GRIP1: variants seen among roughly 807,000 people sequenced by gnomAD.
The protein encoded by GRIP1 is glutamate receptor-interacting protein 1.
Under a neutral mutation model 129.9 loss-of-function variants are expected in GRIP1, and 45 were observed. The observed-to-expected ratio is 0.35, with a 90% confidence interval of 0.27 to 0.44. The LOEUF (loss-of-function observed/expected upper bound fraction) is 0.44. Among genes scored for constraint, GRIP1 ranks in the 20% least tolerant of loss-of-function variants. The pLI, the probability that GRIP1 is intolerant of heterozygous loss-of-function variation, is 1.00. For missense variants in GRIP1, 1,196 were observed against 1,396.8 expected, an observed-to-expected ratio of 0.86 and a Z score of 2.29; for synonymous variants, 530 against 520.8, an observed-to-expected ratio of 1.02 and a Z score of -0.24.
chr12:66,796,857 CTTAT>C (rs1050910286), intron 1 of GRIP1, among the ~76,000 whole-genome samples: 2 of 152,076 alleles, frequency 1.3e-5, no homozygotes, highest in Admixed American at 1.3e-4. Context: ...TTATGAATAA[CTTAT>C]TTAGTCACAA....
At chr12:66,851,705 T>C (rs2039915018) in intron 1 of GRIP1, among the ~76,000 whole-genome samples, 1 of 152,084 alleles carries the variant, frequency 6.6e-6, no homozygotes, top group African/African-American at 2.4e-5. Flanking sequence ...CAATTCCATC[T>C]TCTTAGCTGT....
chr12:66,946,802 C>CG (rs2041677650), intron 1 of GRIP1, among the ~76,000 whole-genome samples: 2 of 11,238 alleles, frequency 1.8e-4, no homozygotes, highest in Non-Finnish European at 3.5e-4. Context: ...GGTGTGGGGG[C>CG]TGGGGGGGGC....
intron 1 of GRIP1, among the ~76,000 whole-genome samples, chr12:66,601,127 G>A (rs572097955): frequency 6.6e-6 from 1 of 151,992 alleles, no homozygotes; most frequent in South Asian, 2.1e-4. Flanking sequence ...ACTTAAAGCA[G>A]AAGAAGAACA....
rs529226085 is a variant in GRIP1 at position 66,408,351 on chromosome 12, C to T, written c.1839-1923G>A. Among the ~76,000 whole-genome samples the T allele has an allele frequency of 2.8e-4, 43 of 152,076 alleles. No individual in the cohort carries two copies. In the South Asian group the frequency reaches 4.8e-3, roughly 17 times the overall value. ...AAAGTTAGCCAGGCGTGGTGGTGCA[C>T]GCCTGTAATCCCAGCTATTCGGGAG... is the stretch of plus-strand genomic sequence containing the variant. On this transcript the variant is annotated intron_variant, in intron 15 of 24. Transcript: ENST00000359742.
At chr12:66,984,081 C>T (rs1475996056) in intron 1 of GRIP1, among the ~76,000 whole-genome samples, 2 of 152,126 alleles carry the variant, frequency 1.3e-5, no homozygotes, top group Non-Finnish European at 2.9e-5. Context: ...AGAAGCAAAG[C>T]CACACTTAGA....
chr12:66,741,839 A>G (rs891905442), intron 1 of GRIP1, among the ~76,000 whole-genome samples: 1 of 152,156 alleles, frequency 6.6e-6, no homozygotes, highest in African/African-American at 2.4e-5. Flanking sequence ...TAATCTGTGA[A>G]TATTCTTCAA....
chr12:66,706,445 G>A (rs774416578), intron 1 of GRIP1, among the ~76,000 whole-genome samples: 4 of 152,118 alleles, frequency 2.6e-5, no homozygotes, highest in Non-Finnish European at 5.9e-5. Context: ...AACCATTGTG[G>A]AAGACAGTAT....
intron 2 of GRIP1, among the ~76,000 whole-genome samples, chr12:66,577,902 C>G (rs1483884789): frequency 6.6e-6 from 1 of 152,134 alleles, no homozygotes; most frequent in African/African-American, 2.4e-5. Flanking sequence ...TTTAGTGAGC[C>G]ATGATCATGC....
At chr12:66,952,780 A>G (rs940345661) in intron 1 of GRIP1, among the ~76,000 whole-genome samples, 1 of 152,146 alleles carries the variant, frequency 6.6e-6, no homozygotes, top group Non-Finnish European at 1.5e-5. Context: ...AACATTCTCT[A>G]TTTGCTGCTG....
intron 1 of GRIP1, among the ~76,000 whole-genome samples, chr12:66,898,757 T>C (rs1207788267): frequency 6.6e-6 from 1 of 152,204 alleles, no homozygotes; most frequent in East Asian, 1.9e-4. Context: ...TCTTTCCTAG[T>C]CCAGCTTGTG....
At chr12:66,534,692 TTCTC>T (rs890985303) in intron 4 of GRIP1, among the ~76,000 whole-genome samples, 3 of 151,204 alleles carry the variant, frequency 2.0e-5, no homozygotes, top group South Asian at 2.1e-4. Context: ...CCATTCTTCC[TTCTC>T]TCTCTCTCTC....
intron 7 of GRIP1, among the ~76,000 whole-genome samples, chr12:66,479,851 C>T (rs1486805956): frequency 6.6e-6 from 1 of 152,206 alleles, no homozygotes; most frequent in Admixed American, 6.5e-5. Context: ...TAGAAAAGGC[C>T]TTCAATAAAA....
Position 66,347,745 on chromosome 12 carries a change from AAAAG to A in GRIP1, c.*1270_*1273del, listed in dbSNP as rs931600566. Reference sequence around the variant, plus strand: ...ATTGAAATAATATTTTTTTTGCACAAAAAGAAAGGTGATTTTTTTTTTATATTTC... The same window carrying A: ...ATTGAAATAATATTTTTTTTGCACAAAAAGGTGATTTTTTTTTTATATTTC... On this transcript the variant is annotated 3_prime_UTR_variant, in exon 25 of 25. Transcript: ENST00000359742. 1.5e-5 allele frequency: 2 copies of A among 129,706 alleles called. No individual in the cohort carries two copies. The highest frequency in any genetic ancestry group is 3.3e-5 in the Non-Finnish European group (2 of 61,262). 8.0% of individuals were successfully genotyped at this position (129,706 alleles called of 1,614,324 possible). A position where few individuals can be genotyped will look rare whatever the true frequency, so the allele number is the denominator to read the frequency against.
chr12:66,975,005 A>G (rs766640690), intron 1 of GRIP1, among the ~76,000 whole-genome samples: 4 of 152,180 alleles, frequency 2.6e-5, no homozygotes, highest in Non-Finnish European at 5.9e-5. Flanking sequence ...GGAGACATGG[A>G]CATTTTTGGA....
intron 1 of GRIP1, among the ~76,000 whole-genome samples, chr12:66,729,286 G>A (rs529199911): frequency 5.9e-5 from 9 of 152,110 alleles, no homozygotes; most frequent in African/African-American, 2.2e-4. Flanking sequence ...TAGGTTTTTG[G>A]CTAGTATTAA....
chr12:66,735,503 A>T (rs1200681186), intron 1 of GRIP1, among the ~76,000 whole-genome samples: 1 of 152,120 alleles, frequency 6.6e-6, no homozygotes, highest in Non-Finnish European at 1.5e-5. Context: ...TCTGGACATA[A>T]ATTTCTGACT....
chr12:66,578,208 C>A (rs2063209346), intron 2 of GRIP1, among the ~76,000 whole-genome samples: 1 of 139,682 alleles, frequency 7.2e-6, no homozygotes, highest in Admixed American at 7.4e-5. Flanking sequence ...TCAATACCAG[C>A]CTGACTAATA....
Position 66,552,573 on chromosome 12 carries a change from T to C in GRIP1, c.137-10623A>G, listed in dbSNP as rs184981725. 3.5e-4 allele frequency among the ~76,000 whole-genome samples: 53 copies of C among 152,264 alleles called. 1 individual carries two copies. The highest frequency in any genetic ancestry group is 9.7e-4 in the East Asian group (5 of 5,178). On this transcript the variant is annotated intron_variant, in intron 2 of 24. Transcript: ENST00000359742. ...TCATGTCTATTTTACGTACATGAAA[T>C]TTCCGCCTCATGTAACTAAATGCTA...
intron 23 of GRIP1, among the ~76,000 whole-genome samples, chr12:66,370,186 C>A (rs1336191939): frequency 6.6e-6 from 1 of 152,142 alleles, no homozygotes; most frequent in Non-Finnish European, 1.5e-5. Context: ...CTTTTCTGTC[C>A]CCTGATAGTG....
Sources: gnomAD v4.1 joint callset for allele counts (sites outside exome capture counted in the v4.1 genomes callset) on GRCh38, gnomAD v4.1.1 for gene constraint, MANE v1.5 for transcripts, NCBI Gene and HGNC (gene_info 2026-07-23, HGNC 2026-07-21) for gene names.